Variants in CLCN3 observed in about 807,000 individuals in gnomAD.
The protein encoded by CLCN3 is H(+)/Cl(-) exchange transporter 3.
A neutral mutation model predicts 83.4 loss-of-function variants in CLCN3; 16 were observed. The ratio of observed to expected loss-of-function variants is 0.19; its 90% confidence interval spans 0.13 to 0.29. CLCN3 has a LOEUF of 0.29. Ranked by LOEUF, CLCN3 falls within the 10% of genes least tolerant of loss-of-function variation. The pLI is 1.00. For missense variants in CLCN3, 544 were observed against 1,006.0 expected (o/e 0.54, Z 6.21); for synonymous variants, 322 against 346.2 (o/e 0.93, Z 0.78).
chr4:169,633,100 C>A (rs1163034637), intron 1 of CLCN3, among the ~76,000 whole-genome samples: 1 of 152,154 alleles, frequency 6.6e-6, no homozygotes, highest in Admixed American at 6.5e-5. Context: ...GCAACTGCCG[C>A]CTCTCTGGCT....
At chr4:169,647,497 C>G (rs1730609372) in intron 2 of CLCN3, among the ~76,000 whole-genome samples, 1 of 151,966 alleles carries the variant, frequency 6.6e-6, no homozygotes, top group Non-Finnish European at 1.5e-5. Flanking sequence ...CAAGATGTGG[C>G]CAGAGTGTCT....
At chr4:169,642,732 A>G (rs1373139742) in intron 2 of CLCN3, 1 of 152,294 alleles carries the variant, frequency 6.6e-6, no homozygotes, top group African/African-American at 2.4e-5. Flanking sequence ...CATGTTGCTC[A>G]GGCTGGTCTG....
intron 2 of CLCN3, among the ~76,000 whole-genome samples, chr4:169,637,516 A>T (rs952391905): frequency 6.6e-6 from 1 of 152,136 alleles, no homozygotes; most frequent in African/African-American, 2.4e-5. Context: ...AAAAAAAATT[A>T]GTTTTGATTG....
At chr4:169,636,448 C>T (rs1026212338) in intron 2 of CLCN3, among the ~76,000 whole-genome samples, 1 of 152,146 alleles carries the variant, frequency 6.6e-6, no homozygotes, top group Non-Finnish European at 1.5e-5. Flanking sequence ...ACTCCTCAAT[C>T]AAGAAGTAAA....
Position 169,697,354 on chromosome 4 carries a change from C to G in CLCN3, c.1183C>G (p.Leu395Val). Residue 395 changes from leucine to valine, a missense_variant, in exon 9 of 13, where the codon CTT (leucine) becomes GTT (valine). Leu to Val is a conservative substitution (Grantham distance 32). Transcript: ENST00000513761. Reference sequence around the variant, plus strand: ...CCTTTTTGAACTGTTTCCTTTTATTCTTCTAGGGGTATTTGGAGGGCTTTG... The same window carrying G: ...CCTTTTTGAACTGTTTCCTTTTATTGTTCTAGGGGTATTTGGAGGGCTTTG... Reference protein sequence around the residue: ...WYLFELFPFILLGVFGGLWGA... With the variant: ...WYLFELFPFIVLGVFGGLWGA... 6.2e-7 allele frequency: 1 copy of G among 1,613,840 alleles called. No individual in the cohort carries two copies.
At chr4:169,657,245 C>T (rs1730913824) in intron 2 of CLCN3, among the ~76,000 whole-genome samples, 1 of 151,982 alleles carries the variant, frequency 6.6e-6, no homozygotes, top group Admixed American at 6.6e-5. Context: ...TTGTGTTTCC[C>T]ATTTCCCCAA....
At chr4:169,642,440 G>A (rs1479815197) in intron 2 of CLCN3, among the ~76,000 whole-genome samples, 1 of 152,196 alleles carries the variant, frequency 6.6e-6, no homozygotes, top group South Asian at 2.1e-4. Flanking sequence ...ATGAAACAGT[G>A]ATTTTTAGGA....
intron 1 of CLCN3, among the ~76,000 whole-genome samples, chr4:169,627,256 C>T (rs955985261): frequency 2.6e-5 from 4 of 152,076 alleles, no homozygotes; most frequent in South Asian, 2.1e-4. Flanking sequence ...TATGCTGTTG[C>T]GCATACTTTT....
chr4:169,717,232 A>G (rs1248567082), intron 12 of CLCN3, among the ~76,000 whole-genome samples: 2 of 152,158 alleles, frequency 1.3e-5, no homozygotes, highest in South Asian at 2.1e-4. Flanking sequence ...GCTCCTGAAC[A>G]TTAGGGAGTG....
chr4:169,699,898 A>G (rs906131830), intron 9 of CLCN3, among the ~76,000 whole-genome samples: 1 of 152,090 alleles, frequency 6.6e-6, no homozygotes. Flanking sequence ...TAATAATAAG[A>G]AGAAAATAAT....
intron 12 of CLCN3, among the ~76,000 whole-genome samples, chr4:169,713,516 A>C (rs542818497): frequency 6.6e-6 from 1 of 152,200 alleles, no homozygotes; most frequent in Admixed American, 6.5e-5. Context: ...TGACATTTGT[A>C]AATAATACCT....
At chr4:169,694,696 G>A (rs1156913566) in intron 7 of CLCN3, among the ~76,000 whole-genome samples, 7 of 152,146 alleles carry the variant, frequency 4.6e-5, no homozygotes, top group East Asian at 1.9e-4. Flanking sequence ...AAAATTAGCC[G>A]GGCGTGGTGG....
At chr4:169,686,317 T>TATA (rs1452809626) in intron 3 of CLCN3, among the ~76,000 whole-genome samples, 3 of 148,092 alleles carry the variant, frequency 2.0e-5, no homozygotes, top group Non-Finnish European at 3.0e-5. Flanking sequence ...AAACTTAAAG[T>TATA]ATAATAATAA....
intron 2 of CLCN3, among the ~76,000 whole-genome samples, chr4:169,662,006 G>A (rs62333164): frequency 0.27 from 40,368 of 152,048 alleles, 5,951 homozygotes; most frequent in South Asian, 0.44. Context: ...AATGATGATA[G>A]ATCAGAATAC....
At chr4:169,672,328 C>CGGG (rs1560848490) in intron 2 of CLCN3, among the ~76,000 whole-genome samples, 1 of 151,928 alleles carries the variant, frequency 6.6e-6, no homozygotes, top group Non-Finnish European at 1.5e-5. Context: ...TTAATGAAGT[C>CGGG]GGGGATTCAC....
At chr4:169,650,848 T>C (rs1233282097) in intron 2 of CLCN3, among the ~76,000 whole-genome samples, 1 of 152,210 alleles carries the variant, frequency 6.6e-6, no homozygotes, top group East Asian at 1.9e-4. Context: ...TAACCTATTA[T>C]ACTTATATGA....
At chr4:169,680,841 TA>T (rs1731909277) in intron 3 of CLCN3, 2 of 152,264 alleles carry the variant, frequency 1.3e-5, no homozygotes, top group South Asian at 4.1e-4. Flanking sequence ...ATACATTTTT[TA>T]TTTTGTATTT....
intron 2 of CLCN3, among the ~76,000 whole-genome samples, chr4:169,677,388 T>A (rs183449483): frequency 5.9e-5 from 9 of 152,358 alleles, no homozygotes; most frequent in South Asian, 2.1e-4. Flanking sequence ...TTCATGAACA[T>A]ATTGTCTATG....
At chr4:169,671,903 C>G (rs781649259) in intron 2 of CLCN3, among the ~76,000 whole-genome samples, 3 of 152,090 alleles carry the variant, frequency 2.0e-5, no homozygotes, top group Non-Finnish European at 2.9e-5. Context: ...AAGGCAAATC[C>G]TGTCATTTTA....
Sources: allele counts gnomAD v4.1 joint callset (sites outside exome capture counted in the v4.1 genomes callset), GRCh38; gene constraint gnomAD v4.1.1; transcripts MANE v1.5; gene names NCBI Gene and HGNC (gene_info 2026-07-23, HGNC 2026-07-21).